Variants in KAT6B observed in about 807,000 individuals in gnomAD.
KAT6B encodes the protein histone acetyltransferase KAT6B.
In KAT6B, 10 loss-of-function variants were observed where a neutral mutation model predicts 187.5. The observed-to-expected ratio is 0.05, with a 90% CI of 0.03 to 0.09. The LOEUF (loss-of-function observed/expected upper bound fraction) is 0.09, where lower values mean the gene tolerates loss of function less well. KAT6B is among the 10% of genes least tolerant of loss of function. The pLI, the probability that KAT6B is intolerant of heterozygous loss-of-function variation, is 1.00. For missense variants in KAT6B, 1,952 were observed against 2,558.9 expected (o/e 0.76, Z 5.12); for synonymous variants, 861 against 926.8 (o/e 0.93, Z 1.29).
intron 3 of KAT6B, among the ~76,000 whole-genome samples, chr10:74,953,913 ATTGTCCTAGATTTAAAGAATGTTTCC>A (rs1367603599): frequency 1.3e-5 from 2 of 152,208 alleles, no homozygotes; most frequent in African/African-American, 2.4e-5. Flanking sequence ...TTAAAAATGC[ATTGTCCTAGATTTAAAGAATGTTTCC>A]TTAGAAAATG....
At chr10:74,971,256 T>G (rs1841831166) in intron 6 of KAT6B, among the ~76,000 whole-genome samples, 1 of 152,198 alleles carries the variant, frequency 6.6e-6, no homozygotes, top group Non-Finnish European at 1.5e-5. Context: ...TGAAATAAAT[T>G]CCTAGAGGAG....
chr10:74,841,819 T>C (rs1229904794), intron 2 of KAT6B, among the ~76,000 whole-genome samples: 4 of 152,346 alleles, frequency 2.6e-5, no homozygotes, highest in East Asian at 1.9e-4. Context: ...CTCTTTCTCC[T>C]TGTAGCCTCT....
intron 3 of KAT6B, among the ~76,000 whole-genome samples, chr10:74,854,596 A>G (rs961583765): frequency 5.3e-5 from 8 of 152,144 alleles, no homozygotes; most frequent in Non-Finnish European, 1.0e-4. Flanking sequence ...CAAAGTAAAT[A>G]CTAATCACTG....
rs1846357201 is a variant in KAT6B at position 75,032,151 on chromosome 10, C to T, written c.*1105C>T. Reference sequence around the variant, plus strand: ...GACAGTAAGGGCCAAGCAGGAGAGGCGTAATCCTTGTATAAAATAGGATCC... The same window carrying T: ...GACAGTAAGGGCCAAGCAGGAGAGGTGTAATCCTTGTATAAAATAGGATCC... On this transcript the variant is annotated 3_prime_UTR_variant, in exon 18 of 18. Coordinates refer to ENST00000287239, the MANE Select transcript of KAT6B (RefSeq NM_012330.4). The T allele has an allele frequency of 5.1e-6, 1 of 195,230 alleles. No individual in the cohort carries two copies. The highest frequency in any genetic ancestry group is 8.1e-5 in the East Asian group (1 of 12,352). 12.1% of individuals were successfully genotyped at this position (195,230 alleles called of 1,614,324 possible). A position where few individuals can be genotyped will look rare whatever the true frequency, so the allele number is the denominator to read the frequency against.
In KAT6B at chr10:75,028,521, G is replaced by A. The variant is rs371178186; in HGVS notation, c.3697G>A (p.Glu1233Lys). The A allele has an allele frequency of 5.0e-5, 80 of 1,614,026 alleles. No homozygotes were observed. The Middle Eastern group carries it at 6.6e-4, about 13-fold the overall frequency. Residue 1233 changes from glutamate (E) to lysine (K), a missense_variant, in exon 18 of 18, where the codon GAA becomes AAA. This residue lies in a region of KAT6B where 758 missense variants were observed against 891.4 expected (regional missense o/e 0.85). Coordinates refer to ENST00000287239, the MANE Select transcript of KAT6B (RefSeq NM_012330.4). ...GAATGATGATTCAAGTAACTTGAAA[G>A]AAGGCAGTAAAGACAATCCCGAACC... The part of the protein sequence containing the change: ...NMNDDSSNLK[E>K]GSKDNPEPLK...
chr10:74,998,564 G>T (rs1843615133), intron 13 of KAT6B, among the ~76,000 whole-genome samples: 1 of 152,220 alleles, frequency 6.6e-6, no homozygotes, highest in African/African-American at 2.4e-5. Context: ...TATTTCAAAG[G>T]CAAGAGAGAA....
chr10:74,964,139 A>G (rs1476628805), intron 4 of KAT6B, among the ~76,000 whole-genome samples: 1 of 152,166 alleles, frequency 6.6e-6, no homozygotes, highest in Non-Finnish European at 1.5e-5. Context: ...CTCAAAAAAT[A>G]AAAATAAAAA....
chr10:74,978,697 C>T (rs951413237), intron 9 of KAT6B, among the ~76,000 whole-genome samples: 1 of 152,152 alleles, frequency 6.6e-6, no homozygotes, highest in Non-Finnish European at 1.5e-5. Context: ...TGGCTTACTA[C>T]ATGGAAATAA....
At chr10:74,965,614 A>T (rs1841404314) in intron 4 of KAT6B, among the ~76,000 whole-genome samples, 1 of 152,122 alleles carries the variant, frequency 6.6e-6, no homozygotes. Context: ...TAAAAACAAC[A>T]CATTTTTAAT....
At position 74,908,453 on chromosome 10, in the gene KAT6B, C is replaced by T. The variant is rs141843659; in HGVS notation, c.622-51517C>T. ...CTGCGTGCCTGTAGTCCCAGCTACT[C>T]GGGAGGCTGATGCAGAATCGCTTGA... On this transcript the variant is annotated intron_variant, in intron 3 of 17. Coordinates refer to ENST00000287239, the MANE Select transcript of KAT6B (RefSeq NM_012330.4). Among the ~76,000 whole-genome samples, 574 of 149,570 alleles carry T rather than the reference C, an allele frequency of 3.8e-3. 7 individuals are homozygous for T. Among genetic ancestry groups the T allele is most frequent in the African/African-American group, 0.013 (545 of 40,672 alleles).
chr10:74,985,316 G>A lies in KAT6B; in HGVS notation c.2535+75G>A. 1.1e-5 allele frequency: 15 copies of A among 1,366,002 alleles called. No individual in the cohort carries two copies. In the South Asian group the frequency reaches 1.7e-4, roughly 15 times the overall value. 84.6% of individuals were successfully genotyped at this position (1,366,002 alleles called of 1,614,324 possible). ...GGTAGAGCCCAATTCTTTGAACAGG[G>A]CTTTTTCATTACTATAATTTGAATA... On this transcript the variant is annotated intron_variant, in intron 12 of 17. Transcript: ENST00000287239.
chr10:74,910,484 C>T (rs1218697155), intron 3 of KAT6B, among the ~76,000 whole-genome samples: 1 of 152,106 alleles, frequency 6.6e-6, no homozygotes. Flanking sequence ...TCTGTCTTGG[C>T]TTCTAGAGAT....
chr10:74,894,268 G>C (rs932681012), intron 3 of KAT6B, among the ~76,000 whole-genome samples: 2 of 152,124 alleles, frequency 1.3e-5, no homozygotes, highest in African/African-American at 4.8e-5. Flanking sequence ...TTTTAGTAGA[G>C]ACGGGGTTTC....
chr10:74,962,551 G>T (rs1841175093), intron 4 of KAT6B, among the ~76,000 whole-genome samples: 1 of 152,120 alleles, frequency 6.6e-6, no homozygotes, highest in Non-Finnish European at 1.5e-5. Flanking sequence ...AATGTAAGTT[G>T]TTTATGTGAA....
At chr10:74,865,580 A>G (rs998167759) in intron 3 of KAT6B, among the ~76,000 whole-genome samples, 4 of 151,952 alleles carry the variant, frequency 2.6e-5, no homozygotes, top group East Asian at 3.9e-4. Flanking sequence ...CAGTGGCACA[A>G]TCTCAGCTTA....
chr10:75,018,079 GTGCACGTCATCCC>G (rs780321636), intron 13 of KAT6B, among the ~76,000 whole-genome samples: 7 of 152,178 alleles, frequency 4.6e-5, no homozygotes, highest in Non-Finnish European at 1.0e-4. Flanking sequence ...TGCAGTGTCG[GTGCACGTCATCCC>G]TGCACACCCG....
chr10:74,841,289 T>A lies in KAT6B; in HGVS notation c.-258-1311T>A, dbSNP rs144942251. Among the ~76,000 whole-genome samples the A allele has an allele frequency of 2.4e-4, 36 of 152,254 alleles. No individual in the cohort carries two copies. In the East Asian group the frequency reaches 6.9e-3, roughly 29 times the overall value. ...TGATGGACTTAGTTGGATTTTAGAATTGGCTGGGCACAGTGGCTTACACCT... is the reference window on the plus strand; with the variant it reads ...TGATGGACTTAGTTGGATTTTAGAAATGGCTGGGCACAGTGGCTTACACCT... On this transcript the variant is annotated intron_variant, in intron 2 of 17. Transcript: ENST00000287239.
At chr10:74,853,491 G>A (rs1030118453) in intron 3 of KAT6B, among the ~76,000 whole-genome samples, 87 of 151,584 alleles carry the variant, frequency 5.7e-4, no homozygotes, top group African/African-American at 2.0e-3. Context: ...ATAGGGTTTC[G>A]CCACGTTGCC....
intron 1 of KAT6B, among the ~76,000 whole-genome samples, chr10:74,835,727 A>G (rs1006331968): frequency 6.6e-6 from 1 of 152,254 alleles, no homozygotes; most frequent in African/African-American, 2.4e-5. Flanking sequence ...ATCTATGTAA[A>G]GTACCTGGAC....
Sources: allele counts gnomAD v4.1 joint callset (sites outside exome capture counted in the v4.1 genomes callset), GRCh38; gene constraint gnomAD v4.1.1; regional missense constraint gnomAD v4.1.1; transcripts MANE v1.5; gene names NCBI Gene and HGNC (gene_info 2026-07-23, HGNC 2026-07-21).